The following SEMA5A variants were observed in gnomAD, a reference collection of about 807,000 sequenced individuals.
The protein encoded by SEMA5A is semaphorin-5A.
Under a neutral mutation model 135.5 loss-of-function variants are expected in SEMA5A, and 55 were observed. The ratio of observed to expected loss-of-function variants is 0.41; its 90% CI spans 0.33 to 0.51. The LOEUF (loss-of-function observed/expected upper bound fraction) is 0.51. Among genes scored for constraint, SEMA5A ranks in the 20% least tolerant of loss-of-function variants. SEMA5A has a pLI of 0.37. For synonymous variants in SEMA5A, 580 were observed against 546.5 expected (o/e 1.06, Z -0.85); for missense variants, 1,290 against 1,419.9 (o/e 0.91, Z 1.47).
chr5:9,476,409 T>C (rs781642184), intron 1 of SEMA5A, among the ~76,000 whole-genome samples: 43 of 152,180 alleles, frequency 2.8e-4, no homozygotes, highest in Admixed American at 1.2e-3. Context: ...GTTGATAGTT[T>C]ACATTTCTTT....
chr5:9,452,849 G>A (rs958748972), intron 1 of SEMA5A, among the ~76,000 whole-genome samples: 5 of 152,244 alleles, frequency 3.3e-5, no homozygotes, highest in South Asian at 4.1e-4. Context: ...GCCATCAGGA[G>A]GGCAGGCAAA....
At chr5:9,520,410 G>A (rs545420842) in intron 1 of SEMA5A, among the ~76,000 whole-genome samples, 19 of 152,300 alleles carry the variant, frequency 1.2e-4, no homozygotes, top group African/African-American at 4.6e-4. Flanking sequence ...CGCTGAAATG[G>A]AGTGAGGGGA....
At chr5:9,224,625 G>C (rs1353743069) in intron 8 of SEMA5A, 49 bp downstream of exon 8, 3 of 1,554,026 alleles carry the variant, frequency 1.9e-6, no homozygotes, top group Non-Finnish European at 2.7e-6. Context: ...CAAATCACCA[G>C]GAATCAAAGA....
At chr5:9,114,991 C>A (rs902406157) in intron 15 of SEMA5A, among the ~76,000 whole-genome samples, 2 of 152,172 alleles carry the variant, frequency 1.3e-5, no homozygotes, top group Non-Finnish European at 2.9e-5. Context: ...ATCAGATCAC[C>A]TCTAGTGAGC....
intron 5 of SEMA5A, among the ~76,000 whole-genome samples, chr5:9,275,513 G>A (rs569716666): frequency 6.6e-6 from 1 of 152,054 alleles, no homozygotes; most frequent in East Asian, 1.9e-4. Context: ...ACCAAAACCT[G>A]CAGAGACACA....
At chr5:9,442,544 C>T (rs1758277068) in intron 1 of SEMA5A, among the ~76,000 whole-genome samples, 1 of 152,110 alleles carries the variant, frequency 6.6e-6, no homozygotes, top group African/African-American at 2.4e-5. Context: ...TCTTAGAGTT[C>T]TTCATGTAAA....
intron 1 of SEMA5A, among the ~76,000 whole-genome samples, chr5:9,468,835 C>T (rs1759365504): frequency 6.6e-6 from 1 of 152,150 alleles, no homozygotes; most frequent in Non-Finnish European, 1.5e-5. Flanking sequence ...AGAAGAGCCA[C>T]TGAGTAAATG....
intron 2 of SEMA5A, among the ~76,000 whole-genome samples, chr5:9,383,886 T>C (rs1755719307): frequency 6.6e-6 from 1 of 152,148 alleles, no homozygotes; most frequent in African/African-American, 2.4e-5. Flanking sequence ...AAATGCTCTT[T>C]CCTTGGGATT....
rs1370431065 is a variant in SEMA5A at position 9,154,577 on chromosome 5, G to T, written c.1392C>A (p.Ile464=). Residue 464 remains isoleucine (I), a synonymous_variant, in exon 12 of 23, where the codon ATC becomes ATA. Transcript: ENST00000382496. ...CGAACAGGACACTCTGGCTGTGCAG[G>T]ATCTGCAGGCTCCTGATGGGCTCCC... ...RRREPIRSLQ[I]LHSQSVLFVG... 4 of 1,613,578 alleles carry T rather than the reference G, an allele frequency of 2.5e-6. No individual in the cohort carries two copies. Among genetic ancestry groups the T allele is most frequent in the Non-Finnish European group, 3.4e-6 (4 of 1,179,972 alleles).
intron 4 of SEMA5A, among the ~76,000 whole-genome samples, chr5:9,325,042 G>C (rs1375432005): frequency 6.6e-6 from 1 of 152,178 alleles, no homozygotes; most frequent in African/African-American, 2.4e-5. Flanking sequence ...CAGGGAAAAA[G>C]GCAGTGGTGC....
intron 5 of SEMA5A, among the ~76,000 whole-genome samples, chr5:9,297,011 A>C (rs1751369796): frequency 6.6e-6 from 1 of 152,058 alleles, no homozygotes; most frequent in Admixed American, 6.6e-5. Flanking sequence ...AGACAACCAA[A>C]AAGGTGCAGC....
intron 3 of SEMA5A, among the ~76,000 whole-genome samples, chr5:9,354,118 G>A (rs778032873): frequency 7.4e-4 from 113 of 152,104 alleles, no homozygotes; most frequent in Non-Finnish European, 1.5e-3. Context: ...GCAAAGACAG[G>A]TTCATAAGGC....
Position 9,494,021 on chromosome 5 carries a change from T to C in SEMA5A, c.-175+51563A>G, listed in dbSNP as rs557034068. Among the ~76,000 whole-genome samples the C allele has an allele frequency of 9.2e-5, 14 of 152,300 alleles. No individual in the cohort carries two copies. The South Asian group carries it at 2.7e-3, about 29-fold the overall frequency. ...TTTGGTAAATTTTAAAAAATATATT[T>C]TATATAAATTCTTATCTGGACCTGT... On this transcript the variant is annotated intron_variant, in intron 1 of 22. Transcript: ENST00000382496.
Position 9,066,567 on chromosome 5 carries a change from A to G in SEMA5A, c.2153T>C (p.Ile718Thr). 2 of 1,614,156 alleles carry G rather than the reference A, an allele frequency of 1.2e-6. No homozygotes were observed. Among genetic ancestry groups the G allele is most frequent in the Non-Finnish European group, 1.7e-6 (2 of 1,180,020 alleles). ...TPWTPWTPVN[I>T]SDNGGHYEQR... ...CTCATAGTGGCCGCCGTTGTCAGAG[A>G]TGTTGACAGGTGTCCAGGGTGTCCA... The change falls in exon 17 of 23, where the codon ATC (isoleucine) becomes ACC (threonine). Residue 718 changes from isoleucine (I) to threonine (T), a missense_variant. This residue lies in a region of SEMA5A where 1,029 missense variants were observed against 1,086.6 expected (regional missense o/e 0.95). Coordinates refer to ENST00000382496, the MANE Select transcript of SEMA5A (RefSeq NM_003966.3).
intron 11 of SEMA5A, among the ~76,000 whole-genome samples, chr5:9,170,564 G>C (rs1743862194): frequency 6.6e-6 from 1 of 152,158 alleles, no homozygotes; most frequent in Non-Finnish European, 1.5e-5. Flanking sequence ...AAGTGATTAG[G>C]TCATGAGGGT....
intron 5 of SEMA5A, among the ~76,000 whole-genome samples, chr5:9,264,355 A>G (rs1435784138): frequency 6.6e-6 from 1 of 152,204 alleles, no homozygotes; most frequent in Non-Finnish European, 1.5e-5. Flanking sequence ...GAATAGTCAA[A>G]GGAAAGAGGA....
intron 11 of SEMA5A, among the ~76,000 whole-genome samples, chr5:9,155,755 G>T (rs982072289): frequency 2.0e-5 from 3 of 152,136 alleles, no homozygotes; most frequent in Non-Finnish European, 4.4e-5. Context: ...CATTGCAAAA[G>T]ACCTTGGATA....
chr5:9,138,372 T>C (rs1032817493), intron 12 of SEMA5A, among the ~76,000 whole-genome samples: 2 of 152,168 alleles, frequency 1.3e-5, no homozygotes, highest in South Asian at 2.1e-4. Flanking sequence ...TATATTTTGT[T>C]ATTGTTTATA....
intron 1 of SEMA5A, among the ~76,000 whole-genome samples, chr5:9,544,850 G>A (rs751974899): frequency 1.2e-4 from 18 of 152,172 alleles, no homozygotes; most frequent in African/African-American, 1.7e-4. Context: ...CTCCACGACC[G>A]TTCCCACGCA....
Sources: allele counts gnomAD v4.1 joint callset (sites outside exome capture counted in the v4.1 genomes callset), GRCh38; gene constraint gnomAD v4.1.1; regional missense constraint gnomAD v4.1.1; transcripts MANE v1.5; gene names NCBI Gene and HGNC (gene_info 2026-07-23, HGNC 2026-07-21).